EBF2: variants seen among roughly 807,000 people sequenced by gnomAD.
EBF2 encodes the protein EBF transcription factor 2.
EBF2 carries 21 observed loss-of-function variants against 72.8 expected under a neutral mutation model. That is an observed-to-expected ratio of 0.29 (90% CI 0.20 to 0.42). The LOEUF (loss-of-function observed/expected upper bound fraction) is 0.42, where lower values mean the gene tolerates loss of function less well. Among genes scored for constraint, EBF2 ranks in the 10% least tolerant of loss-of-function variants. EBF2 has a pLI of 1.00. For missense variants in EBF2, 637 were observed against 731.2 expected, an observed-to-expected ratio of 0.87 and a Z score of 1.49; for synonymous variants, 299 against 274.2, an observed-to-expected ratio of 1.09 and a Z score of -0.89.
At chr8:26,005,269 A>AATTATATAATTATATAT (rs1804823925) in intron 6 of EBF2, among the ~76,000 whole-genome samples, 1 of 2,900 alleles carries the variant, frequency 3.4e-4, no homozygotes, top group African/African-American at 1.3e-3. Flanking sequence ...ATAATATATA[A>AATTATATAATTATATAT]TATATATAAT....
At chr8:25,931,823 C>G (rs1008368326) in intron 6 of EBF2, among the ~76,000 whole-genome samples, 1 of 152,182 alleles carries the variant, frequency 6.6e-6, no homozygotes, top group African/African-American at 2.4e-5. Flanking sequence ...CGCCCATCGG[C>G]TACACAAACA....
chr8:25,896,498 A>T (rs1280280778), intron 7 of EBF2, among the ~76,000 whole-genome samples: 2 of 152,212 alleles, frequency 1.3e-5, no homozygotes, highest in African/African-American at 4.8e-5. Context: ...GGGAAAAAAA[A>T]TTCTTTATGA....
intron 6 of EBF2, among the ~76,000 whole-genome samples, chr8:25,984,380 A>G (rs1436167916): frequency 6.6e-6 from 1 of 152,222 alleles, no homozygotes; most frequent in African/African-American, 2.4e-5. Context: ...CCTGAAAAAA[A>G]ATCCATAAGA....
intron 6 of EBF2, among the ~76,000 whole-genome samples, chr8:25,927,517 C>T (rs1803406277): frequency 6.6e-6 from 1 of 152,016 alleles, no homozygotes; most frequent in African/African-American, 2.4e-5. Flanking sequence ...GAGAGAACTT[C>T]TATCACTATA....
intron 6 of EBF2, among the ~76,000 whole-genome samples, chr8:25,985,372 C>A (rs1804432783): frequency 6.6e-6 from 1 of 152,170 alleles, no homozygotes; most frequent in African/African-American, 2.4e-5. Context: ...AGGTGGGAGG[C>A]CTCCAGACAG....
At chr8:25,862,457 G>A (rs1802227865) in intron 11 of EBF2, among the ~76,000 whole-genome samples, 1 of 152,016 alleles carries the variant, frequency 6.6e-6, no homozygotes, top group African/African-American at 2.4e-5. Context: ...CATAAAGTTG[G>A]CCATGTTTTT....
At position 25,974,752 on chromosome 8, in the gene EBF2, C is replaced by G. The variant is rs374630408; in HGVS notation, c.551+58333G>C. 5.5e-4 allele frequency among the ~76,000 whole-genome samples: 84 copies of G among 152,284 alleles called. No homozygotes were observed. The South Asian group carries it at 0.011, about 20-fold the overall frequency. ...TTCCTGCCAAACTCCCCCTGCCCCC[C>G]CATCCTACTGTAGCCAAAAAAATAC... On this transcript the variant is annotated intron_variant, in intron 6 of 15. Transcript: ENST00000520164.
chr8:25,992,534 T>C (rs945695661), intron 6 of EBF2, among the ~76,000 whole-genome samples: 1 of 151,942 alleles, frequency 6.6e-6, no homozygotes, highest in African/African-American at 2.4e-5. Flanking sequence ...TGGAGAGGAT[T>C]CAAGTGTCGT....
At chr8:25,896,691 C>T (rs1238392801) in intron 7 of EBF2, among the ~76,000 whole-genome samples, 1 of 152,172 alleles carries the variant, frequency 6.6e-6, no homozygotes. Context: ...TCAAGACAGA[C>T]TTCTGGCTAT....
At chr8:25,945,374 G>A (rs1803749954) in intron 6 of EBF2, among the ~76,000 whole-genome samples, 1 of 151,968 alleles carries the variant, frequency 6.6e-6, no homozygotes, top group South Asian at 2.1e-4. Flanking sequence ...TGGGTAGCTG[G>A]GCTAAGGGAA....
chr8:26,028,845 T>C (rs1261495892), intron 6 of EBF2, among the ~76,000 whole-genome samples: 1 of 152,204 alleles, frequency 6.6e-6, no homozygotes, highest in African/African-American at 2.4e-5. Context: ...TTTTGTGGTT[T>C]TTTCCCCTGA....
At chr8:25,923,937 TA>T (rs61080132) in intron 6 of EBF2, among the ~76,000 whole-genome samples, 82,028 of 152,034 alleles carry the variant, frequency 0.54, 24,688 homozygotes, top group East Asian at 0.74. Context: ...ATGCTTCTCC[TA>T]ATGAGATGAT....
At chr8:26,018,952 A>AG (rs1805159453) in intron 6 of EBF2, among the ~76,000 whole-genome samples, 1 of 147,936 alleles carries the variant, frequency 6.8e-6, no homozygotes, top group East Asian at 1.9e-4. Context: ...AAAAAAAAAA[A>AG]AAGGCAAAGA....
chr8:25,868,184 T>A (rs1337936196), intron 10 of EBF2, among the ~76,000 whole-genome samples: 2 of 152,230 alleles, frequency 1.3e-5, no homozygotes, highest in Non-Finnish European at 2.9e-5. Flanking sequence ...ATCTTAAAAT[T>A]TCTAGGTAAT....
intron 6 of EBF2, among the ~76,000 whole-genome samples, chr8:25,918,486 G>T (rs1803261028): frequency 6.6e-6 from 1 of 152,152 alleles, no homozygotes; most frequent in South Asian, 2.1e-4. Flanking sequence ...GTACTCCAAT[G>T]TTTCAGAACA....
At chr8:25,864,999 C>T (rs1477751345) in intron 10 of EBF2, among the ~76,000 whole-genome samples, 1 of 152,008 alleles carries the variant, frequency 6.6e-6, no homozygotes, top group African/African-American at 2.4e-5. Context: ...GGCAGGGTTT[C>T]ACCATGTTGA....
At chr8:25,891,271 G>A (rs1802774570) in intron 7 of EBF2, among the ~76,000 whole-genome samples, 1 of 152,082 alleles carries the variant, frequency 6.6e-6, no homozygotes, top group Non-Finnish European at 1.5e-5. Context: ...GCAGAAGGGA[G>A]TGGACCTGGG....
chr8:25,946,434 A>G (rs1803770050), intron 6 of EBF2, among the ~76,000 whole-genome samples: 1 of 152,240 alleles, frequency 6.6e-6, no homozygotes, highest in Non-Finnish European at 1.5e-5. Flanking sequence ...AAAGTACCAA[A>G]GACCTCCAAG....
At chr8:25,851,770 A>T (rs1037948571) in intron 14 of EBF2, among the ~76,000 whole-genome samples, 1 of 152,188 alleles carries the variant, frequency 6.6e-6, no homozygotes, top group African/African-American at 2.4e-5. Flanking sequence ...TGTATTTTCA[A>T]TGGACCACCT....
Sources: gnomAD v4.1 joint callset for allele counts (sites outside exome capture counted in the v4.1 genomes callset) on GRCh38, gnomAD v4.1.1 for gene constraint, MANE v1.5 for transcripts, NCBI Gene and HGNC (gene_info 2026-07-23, HGNC 2026-07-21) for gene names.